The following DST variants were observed in gnomAD, a reference collection of about 807,000 sequenced individuals.
DST encodes dystonin, also known as bullous pemphigoid antigen.
DST carries 253 observed loss-of-function variants against 875.2 expected under a neutral mutation model. That is an observed-to-expected ratio of 0.29 (90% CI 0.26 to 0.32). The LOEUF is 0.32. DST is among the 10% of genes least tolerant of loss of function. The pLI is 1.00. For missense variants in DST, 8,287 were observed against 9,111.6 expected (o/e 0.91, Z 3.68); for synonymous variants, 3,124 against 3,197.1 (o/e 0.98, Z 0.77).
intron 102 of DST, among the ~76,000 whole-genome samples, chr6:56,462,432 T>G (rs992134361): frequency 6.6e-6 from 1 of 152,146 alleles, no homozygotes; most frequent in Non-Finnish European, 1.5e-5. Flanking sequence ...ACCCATACAT[T>G]TATTACCTGT....
At chr6:56,463,844 C>A (rs745446094) in intron 100 of DST, 80 bp from the exon 101 acceptor site, 1 of 1,348,324 alleles carries the variant, frequency 7.4e-7, no homozygotes, top group Non-Finnish European at 1.1e-6. Context: ...GGAAGAACGG[C>A]CACCTGGCAC....
intron 22 of DST, among the ~76,000 whole-genome samples, chr6:56,637,509 C>T (rs750539058): frequency 4.6e-5 from 7 of 151,886 alleles, no homozygotes; most frequent in Non-Finnish European, 7.4e-5. Flanking sequence ...GTCGGTTTCT[C>T]TTTGTTTTTG....
chr6:56,911,018 AG>A (rs1429912491), intron 2 of DST, among the ~76,000 whole-genome samples: 3 of 152,210 alleles, frequency 2.0e-5, no homozygotes, highest in African/African-American at 7.2e-5. Context: ...CTTAAACAAA[AG>A]GCTCCACCCA....
intron 47 of DST, among the ~76,000 whole-genome samples, chr6:56,595,794 C>T (rs529698645): frequency 2.7e-5 from 4 of 147,052 alleles, no homozygotes; most frequent in South Asian, 4.2e-4. Flanking sequence ...CACCCCACCC[C>T]GAGAAGGGCT....
chr6:56,591,153 A>G (rs1394722970), intron 49 of DST, among the ~76,000 whole-genome samples: 1 of 152,274 alleles, frequency 6.6e-6, no homozygotes, highest in Non-Finnish European at 1.5e-5. Context: ...TGGTCACATT[A>G]GTTCTCATCC....
Position 56,628,025 on chromosome 6 carries a change from G to C in DST, c.4612C>G (p.Leu1538Val), listed in dbSNP as rs769183726. The C allele has an allele frequency of 6.2e-6, 10 of 1,613,836 alleles. No homozygotes were observed. The highest frequency in any genetic ancestry group is 8.5e-6 in the Non-Finnish European group (10 of 1,179,790). The change falls in exon 33 of 104, where the codon CTA becomes GTA. Residue 1538 changes from leucine (L) to valine (V), a missense_variant. Physicochemically the swap from Leu to Val is conservative, Grantham distance 32. This residue lies in a region of DST where 3,138 missense variants were observed against 3,116.6 expected (regional missense o/e 1.01). Transcript: ENST00000680361. ...QENQPENSKT[L>V]ATQLNQQKML... is the part of the protein sequence containing the mutation. ...TTCTGTTGATTCAACTGTGTGGCTA[G>C]GGTTTTACTATTTTCAGGCTGATTT...
chr6:56,465,399 A>G (rs559452921), intron 99 of DST, among the ~76,000 whole-genome samples: 2 of 152,192 alleles, frequency 1.3e-5, no homozygotes, highest in Non-Finnish European at 2.9e-5. Flanking sequence ...GGGCCTACTG[A>G]GTAATTGGTA....
chr6:56,714,936 A>G lies in DST; in HGVS notation c.688-10567T>C, dbSNP rs2099389776. On this transcript the variant is annotated intron_variant, in intron 5 of 103. Transcript: ENST00000680361. This position sits in a 1 kb window ranked among gnomAD's most constrained non-coding sequence, Gnocchi z 4.5. The stretch of plus-strand genomic sequence containing the variant: ...CAGTACACCAATCATCATTTTACTT[A>G]TAGTTTTATGTAGACAATATACATA... Among the ~76,000 whole-genome samples the G allele has an allele frequency of 6.6e-6, 1 of 152,168 alleles. No homozygotes were observed. Among genetic ancestry groups the G allele is most frequent in the Non-Finnish European group, 1.5e-5 (1 of 68,022 alleles).
chr6:56,862,619 G>A (rs76186090), intron 3 of DST, among the ~76,000 whole-genome samples: 10,510 of 152,114 alleles, frequency 0.069, 1,186 homozygotes, highest in African/African-American at 0.23. Flanking sequence ...TAGTTTGCCC[G>A]TATAGCTGTG....
In DST at chr6:56,610,250, G is replaced by GT. The variant is rs144574015; in HGVS notation, c.5283+176dup. On this transcript the variant is annotated intron_variant, in intron 39 of 103. Transcript: ENST00000680361. ...TCACAGAAACTGATGGTCAGCATGT[G>GT]TAAGATTGCATTTAATAAACAACAC... is the stretch of plus-strand genomic sequence containing the variant. 5.4e-4 allele frequency among the ~76,000 whole-genome samples: 82 copies of GT among 152,282 alleles called. No individual in the cohort carries two copies. In the East Asian group the frequency reaches 0.016, roughly 29 times the overall value.
chr6:56,597,716 T>G (rs753583498), intron 47 of DST, 24 bp downstream of exon 47: 2 of 1,598,776 alleles, frequency 1.3e-6, no homozygotes, highest in African/African-American at 2.7e-5. Context: ...AATTGAACGA[T>G]ATCATATGTT....
In DST at chr6:56,562,172, T is replaced by C; in HGVS notation, c.14034A>G (p.Thr4678=). 1 of 1,557,730 alleles carries C rather than the reference T, an allele frequency of 6.4e-7. No individual in the cohort carries two copies. Among genetic ancestry groups the C allele is most frequent in the Non-Finnish European group, 8.7e-7 (1 of 1,150,380 alleles). Residue 4678 remains threonine (T), a synonymous_variant, in exon 56 of 104, where the codon ACA becomes ACG. Coordinates refer to ENST00000680361, the MANE Select transcript of DST (RefSeq NM_001374736.1). ...SGGAVLNGEG[T]ATNTEEFWAN... ...CCCAAAATTCCTCAGTATTTGTGGC[T>C]GTTCCTTCACCATTTAATACTGCTC...
In DST at chr6:56,777,418, A is replaced by G. The variant is rs1475472732; in HGVS notation, c.626-42129T>C. 2.6e-5 allele frequency among the ~76,000 whole-genome samples: 4 copies of G among 152,082 alleles called. No individual in the cohort carries two copies. The East Asian group carries it at 7.7e-4, about 29-fold the overall frequency. The stretch of plus-strand genomic sequence containing the variant: ...ATGGTTTCCAAACACTAAGTCCCAT[A>G]ATTGAAGACTTACCCTCCCAGTCAC... On this transcript the variant is annotated intron_variant, in intron 4 of 103. Transcript: ENST00000680361.
chr6:56,487,349 TC>T (rs1420191025), intron 86 of DST, 76 bp from the exon 87 acceptor site: 13 of 1,272,954 alleles, frequency 1.0e-5, no homozygotes, highest in Non-Finnish European at 1.1e-5. Flanking sequence ...AACAGAGGCA[TC>T]CCTAATAAAT....
intron 5 of DST, among the ~76,000 whole-genome samples, chr6:56,715,165 G>GAA (rs1185078270): frequency 6.6e-6 from 1 of 152,026 alleles, no homozygotes; most frequent in Non-Finnish European, 1.5e-5. Context: ...GGATCACAGG[G>GAA]AAAAAAACAG....
rs55759800 is a variant in DST, at chr6:56,687,784, TAA to T, written c.1047+11867_1047+11868del. Among the ~76,000 whole-genome samples, 413 of 140,796 alleles carry T rather than the reference TAA, an allele frequency of 2.9e-3. 1 individual carries two copies. The highest frequency in any genetic ancestry group is 8.7e-3 in the African/African-American group (331 of 38,038). 92.4% of individuals were successfully genotyped at this position (140,796 alleles called of 152,430 possible). On this transcript the variant is annotated intron_variant, in intron 9 of 103. Coordinates refer to ENST00000680361, the MANE Select transcript of DST (RefSeq NM_001374736.1). ...CACATTTTTAGCTCTGCTTCCAAGT[TAA>T]AAAAAAAAAAAAGTGTGAAAATGCT...
At chr6:56,646,038 A>C (rs762299417) in intron 14 of DST, 45 bp from the exon 15 acceptor site, 28 of 1,594,430 alleles carry the variant, frequency 1.8e-5, no homozygotes, top group Middle Eastern at 1.7e-4. Context: ...AATGAAAACA[A>C]AACAAAACAA....
chr6:56,769,710 A>C (rs559455979), intron 4 of DST, among the ~76,000 whole-genome samples: 3 of 152,232 alleles, frequency 2.0e-5, no homozygotes, highest in African/African-American at 7.2e-5. Context: ...CCAGCTACTC[A>C]GGAGGCTGAG....
chr6:56,511,535 T>C lies in DST; in HGVS notation c.18577-135A>G, dbSNP rs982074274. The stretch of plus-strand genomic sequence containing the variant: ...CCATCACAAGGCATTTAACACATGA[T>C]GGCTCATACAGCTCTTTGCCAGGAA... On this transcript the variant is annotated intron_variant, in intron 72 of 103. Transcript: ENST00000680361. The C allele has an allele frequency of 1.8e-5, 12 of 675,412 alleles. 1 individual carries two copies. The highest frequency in any genetic ancestry group is 1.7e-4 in the South Asian group (9 of 52,944). 41.8% of individuals were successfully genotyped at this position (675,412 alleles called of 1,614,324 possible).
Sources: gnomAD v4.1 joint callset for allele counts (sites outside exome capture counted in the v4.1 genomes callset) on GRCh38, gnomAD v4.1.1 for gene constraint, gnomAD v4.1.1 regional missense constraint, Gnocchi (gnomAD v3.1) non-coding constraint, MANE v1.5 for transcripts, NCBI Gene and HGNC (gene_info 2026-07-23, HGNC 2026-07-21) for gene names.